Variants in DDR1 observed in about 807,000 individuals in gnomAD.
The protein encoded by DDR1 is epithelial discoidin domain-containing receptor 1.
A neutral mutation model predicts 97.4 loss-of-function variants in DDR1; 64 were observed. That is an observed-to-expected ratio of 0.66 (90% confidence interval 0.54 to 0.81). The LOEUF (loss-of-function observed/expected upper bound fraction) is 0.81, where lower values mean the gene tolerates loss of function less well. Ranked by LOEUF, DDR1 falls within the 30% of genes least tolerant of loss-of-function variation. The pLI, the probability that DDR1 is intolerant of heterozygous loss-of-function variation, is 0.00. For synonymous variants in DDR1, 458 were observed against 503.7 expected, an observed-to-expected ratio of 0.91 and a Z score of 1.21; for missense variants, 990 against 1,259.6, an observed-to-expected ratio of 0.79 and a Z score of 3.24.
At chr6:30,893,928 C>T (rs1212696039) in intron 10 of DDR1, among the ~76,000 whole-genome samples, 2 of 152,124 alleles carry the variant, frequency 1.3e-5, no homozygotes, top group African/African-American at 4.8e-5. Flanking sequence ...CCACGTCTTC[C>T]GGCTGGAGTC....
Position 30,896,687 on chromosome 6 carries a change from A to C in DDR1, c.1691A>C (p.Asn564Thr). The change falls in exon 13 of 18, where the codon AAC (asparagine) becomes ACC (threonine). Residue 564 changes from asparagine to threonine, a missense_variant. By Grantham distance (65) the Asn-to-Thr change is moderately conservative. Transcript: ENST00000376568. ...GAPLLPPPPQ[N>T]SVPHYAEADI... ...CCGCTTCTGCCCCCACCTCCCCAGA[A>C]CAGCGTCCCCCATTATGCCGAGGCT... 1 of 1,612,168 alleles carries C rather than the reference A, an allele frequency of 6.2e-7. No individual in the cohort carries two copies. The highest frequency in any genetic ancestry group is 8.5e-7 in the Non-Finnish European group (1 of 1,179,194).
At chr6:30,885,871 G>A (rs1255098716) in intron 1 of DDR1, 1 of 1,264,444 alleles carries the variant, frequency 7.9e-7, no homozygotes, top group Non-Finnish European at 1.0e-6. Context: ...TTGTCTGAGT[G>A]GGACTTGGGG....
In DDR1 at chr6:30,886,445, C is replaced by A. The variant is rs544811917; in HGVS notation, c.-43+1735C>A. 3.9e-5 allele frequency among the ~76,000 whole-genome samples: 6 copies of A among 152,302 alleles called. No individual in the cohort carries two copies. In the East Asian group the frequency reaches 9.6e-4, roughly 24 times the overall value. On this transcript the variant is annotated intron_variant, in intron 1 of 17. Transcript: ENST00000376568. This position sits in a 1 kb window ranked among gnomAD's most constrained non-coding sequence, Gnocchi z 4.6. The stretch of plus-strand genomic sequence containing the variant: ...CTGGTTCTAGCCTCTGAGTGCCCCC[C>A]ACAACTCAGTCGTCCCCCTCAGCTG...
chr6:30,896,521 G>C (rs1442272151), intron 12 of DDR1, 100 bp from the exon 13 acceptor site: 4 of 1,446,092 alleles, frequency 2.8e-6, no homozygotes, highest in African/African-American at 2.9e-5. Flanking sequence ...TCACTCAACC[G>C]GGAGACACAG....
rs1787242756 is a variant in DDR1, at chr6:30,889,562, A to G, written c.417+132A>G. ...AGACTAAGCCTCTCAGCTGAGCTCC[A>G]AACAATATTGTAAACCTGGCCACCT... On this transcript the variant is annotated intron_variant, in intron 4 of 17. Transcript: ENST00000376568. The surrounding 1 kb of genome is among the most constrained non-coding windows in gnomAD (Gnocchi z 4.9). 3.1e-6 allele frequency: 2 copies of G among 651,124 alleles called. No individual in the cohort carries two copies. The highest frequency in any genetic ancestry group is 1.9e-5 in the African/African-American group (1 of 53,356). 40.3% of individuals were successfully genotyped at this position (651,124 alleles called of 1,614,324 possible).
At position 30,890,905 on chromosome 6, in the gene DDR1, G is replaced by C. The variant is rs762825841; in HGVS notation, c.418-68G>C. ...CCACTGTGGGCTGGGCCAGGGAGCAGCTGGTGGGTGGGAAGTAAGATCTGA... is the reference window on the plus strand; with the variant it reads ...CCACTGTGGGCTGGGCCAGGGAGCACCTGGTGGGTGGGAAGTAAGATCTGA... On this transcript the variant is annotated intron_variant, in intron 4 of 17. Coordinates refer to ENST00000376568, the MANE Select transcript of DDR1 (RefSeq NM_001297654.2). This position sits in a 1 kb window ranked among gnomAD's most constrained non-coding sequence, Gnocchi z 5.0. 2 of 1,508,476 alleles carry C rather than the reference G, an allele frequency of 1.3e-6. No homozygotes were observed. The highest frequency in any genetic ancestry group is 1.8e-6 in the Non-Finnish European group (2 of 1,126,602). The allele number at this position is 1,508,476 out of a possible 1,614,324, so 93.4% of individuals were successfully genotyped here. A position where few individuals can be genotyped will look rare whatever the true frequency, so the allele number is the denominator to read the frequency against.
In DDR1 at chr6:30,897,557, G is replaced by T. The variant is rs1791374208; in HGVS notation, c.2176G>T (p.Ala726Ser). ...GCTGGAGGACAAGGCAGCCGAGGGG[G>T]CCCCTGGGGACGGGCAGGCTGCGCA... ...HQLEDKAAEG[A>S]PGDGQAAQGP... is the part of the protein sequence containing the mutation. Residue 726 changes from alanine (A) to serine (S), a missense_variant, in exon 15 of 18, where the codon GCC becomes TCC. Ala to Ser is a moderately conservative substitution (Grantham distance 99). Transcript: ENST00000376568. This position sits in a 1 kb window ranked among gnomAD's most constrained non-coding sequence, Gnocchi z 5.2. 1.2e-6 allele frequency: 2 copies of T among 1,613,586 alleles called. No homozygotes were observed. Among genetic ancestry groups the T allele is most frequent in the Non-Finnish European group, 1.7e-6 (2 of 1,179,998 alleles).
rs1787178807 is a variant in DDR1 at position 30,889,432 on chromosome 6, T to C, written c.417+2T>C. 1 of 1,521,944 alleles carries C rather than the reference T, an allele frequency of 6.6e-7. No individual in the cohort carries two copies. Among genetic ancestry groups the C allele is most frequent in the East Asian group, 2.3e-5 (1 of 42,614 alleles). The allele number at this position is 1,521,944 out of a possible 1,614,324, so 94.3% of individuals were successfully genotyped here. A position where few individuals can be genotyped will look rare whatever the true frequency, so the allele number is the denominator to read the frequency against. On this transcript the variant is annotated splice_donor_variant, in intron 4 of 17. Transcript: ENST00000376568. LOFTEE classifies it high-confidence loss of function. The surrounding 1 kb of genome is among the most constrained non-coding windows in gnomAD (Gnocchi z 4.9). ...TGGAAGGACCGCTGGGGTCAGGAGG[T>C]GAGACTGGCAGGGGCAGCACCCAGA...
chr6:30,885,842 G>T, intron 1 of DDR1: 19 of 1,283,632 alleles, frequency 1.5e-5, no homozygotes, highest in Non-Finnish European at 1.5e-5. Context: ...GTGTGTGTGT[G>T]TACAGAGCTG....
chr6:30,895,049 C>T (rs753069806), intron 11 of DDR1, among the ~76,000 whole-genome samples: 3 of 152,160 alleles, frequency 2.0e-5, no homozygotes, highest in Non-Finnish European at 2.9e-5. Context: ...ATCCATCAAT[C>T]TTCCATCATC....
At chr6:30,885,256 C>T (rs561918601) in intron 1 of DDR1, 495 of 1,529,172 alleles carry the variant, frequency 3.2e-4, no homozygotes, top group Non-Finnish European at 4.1e-4. Flanking sequence ...CAGGGTCCCA[C>T]CCCCCCATGC....
At position 30,891,951 on chromosome 6, in the gene DDR1, C is replaced by A. The variant is rs1432226699; in HGVS notation, c.666-51C>A. 1 of 1,599,996 alleles carries A rather than the reference C, an allele frequency of 6.3e-7. No homozygotes were observed. The highest frequency in any genetic ancestry group is 8.5e-7 in the Non-Finnish European group (1 of 1,169,690). On this transcript the variant is annotated intron_variant, in intron 6 of 17. Transcript: ENST00000376568. This position sits in a 1 kb window ranked among gnomAD's most constrained non-coding sequence, Gnocchi z 5.3. ...GTGGCGGAGCAGAATGCCTGGATGT[C>A]AAGACCCTCTTCCCTTCCAACCTCC...
rs767260271 is a variant in DDR1 at position 30,894,429 on chromosome 6, C to A, written c.1348-77C>A. The A allele has an allele frequency of 1.4e-6, 2 of 1,422,764 alleles. No individual in the cohort carries two copies. Among genetic ancestry groups the A allele is most frequent in the Non-Finnish European group, 1.9e-6 (2 of 1,062,232 alleles). 88.1% of individuals were successfully genotyped at this position (1,422,764 alleles called of 1,614,324 possible). A position where few individuals can be genotyped will look rare whatever the true frequency, so the allele number is the denominator to read the frequency against. ...CTCTTGTGAGGGCTGAGGGAGGGAA[C>A]GCAGGGATGGACACAGCAGAGGGCC... is the stretch of plus-strand genomic sequence containing the variant. On this transcript the variant is annotated intron_variant, in intron 10 of 17. Coordinates refer to ENST00000376568, the MANE Select transcript of DDR1 (RefSeq NM_001297654.2). This position sits in a 1 kb window ranked among gnomAD's most constrained non-coding sequence, Gnocchi z 5.7.
rs771746527 is a variant in DDR1 at position 30,893,111 on chromosome 6, G to A, written c.1143G>A (p.Pro381=). 7.4e-6 allele frequency: 12 copies of A among 1,611,600 alleles called. No homozygotes were observed. Among genetic ancestry groups the A allele is most frequent in the East Asian group, 6.7e-5 (3 of 44,892 alleles). ...NSSPALGGTF[P]PAPWWPPGPP... ...CTCCGGCACTGGGAGGCACCTTCCC[G>A]CCAGCCCCCTGGTGGCCGCCTGGCC... is the stretch of plus-strand genomic sequence containing the variant. Residue 381 remains proline (P), a synonymous_variant, in exon 9 of 18, where the codon CCG becomes CCA. Coordinates refer to ENST00000376568, the MANE Select transcript of DDR1 (RefSeq NM_001297654.2).
At chr6:30,892,808 CT>C in intron 8 of DDR1, 1 of 585,658 alleles carries the variant, frequency 1.7e-6, no homozygotes, top group East Asian at 2.9e-5. Context: ...TGAAATACTT[CT>C]GTATTAGTTG....
At position 30,889,773 on chromosome 6, in the gene DDR1, A is replaced by G. The variant is rs1180300438; in HGVS notation, c.417+343A>G. Among the ~76,000 whole-genome samples the G allele has an allele frequency of 6.6e-6, 1 of 152,124 alleles. No individual in the cohort carries two copies. The highest frequency in any genetic ancestry group is 1.5e-5 in the Non-Finnish European group (1 of 68,030). Reference sequence around the variant, plus strand: ...TAATAGGCATCTCAAACGTACGTTTAACTTCCCAAGCTGAATTTGATTCCC... The same window carrying G: ...TAATAGGCATCTCAAACGTACGTTTGACTTCCCAAGCTGAATTTGATTCCC... On this transcript the variant is annotated intron_variant, in intron 4 of 17. Transcript: ENST00000376568. The surrounding 1 kb of genome is among the most constrained non-coding windows in gnomAD (Gnocchi z 4.9).
chr6:30,896,437 G>T (rs770771092), intron 12 of DDR1, among the ~76,000 whole-genome samples, 184 bp from the exon 13 acceptor site: 3 of 152,024 alleles, frequency 2.0e-5, no homozygotes, highest in East Asian at 1.9e-4. Context: ...GCTAACTCTC[G>T]TCCCATGCCA....
At position 30,888,543 on chromosome 6, in the gene DDR1, TA is replaced by T; in HGVS notation, c.-42-140del. 1.0e-6 allele frequency: 1 copy of T among 968,866 alleles called. No individual in the cohort carries two copies. The highest frequency in any genetic ancestry group is 1.5e-6 in the Non-Finnish European group (1 of 668,886). 60.0% of individuals were successfully genotyped at this position (968,866 alleles called of 1,614,324 possible). ...AGTGTCTGGCACAGGGGAAGCATTC[TA>T]AAAATATAGCTGATGCTGTTAAACA... On this transcript the variant is annotated intron_variant, in intron 1 of 17. Transcript: ENST00000376568. This position sits in a 1 kb window ranked among gnomAD's most constrained non-coding sequence, Gnocchi z 4.2.
chr6:30,896,793 G>GC lies in DDR1; in HGVS notation c.1803dup (p.Arg602GlnfsTer27). 1.3e-6 allele frequency: 2 copies of GC among 1,586,048 alleles called. No homozygotes were observed. Among genetic ancestry groups the GC allele is most frequent in the Non-Finnish European group, 1.7e-6 (2 of 1,164,424 alleles). ...TGCCCCCAGGGGCAGTCGGGGATGGGCCCCCCAGAGTGGATTTCCCTCGAT... is the reference window on the plus strand; with the variant it reads ...TGCCCCCAGGGGCAGTCGGGGATGGGCCCCCCCAGAGTGGATTTCCCTCGAT... On this transcript the variant is annotated frameshift_variant, in exon 13 of 18. Transcript: ENST00000376568. LOFTEE classifies it high-confidence loss of function.
Sources: allele counts gnomAD v4.1 joint callset (sites outside exome capture counted in the v4.1 genomes callset), GRCh38; gene constraint gnomAD v4.1.1; non-coding constraint Gnocchi (gnomAD v3.1); transcripts MANE v1.5; gene names NCBI Gene and HGNC (gene_info 2026-07-23, HGNC 2026-07-21).